Variants in FSIP1 observed in about 807,000 individuals in gnomAD.
The protein encoded by FSIP1 is fibrous sheath-interacting protein 1.
In FSIP1, 65 loss-of-function variants were observed where a neutral mutation model predicts 60.9. The ratio of observed to expected loss-of-function variants is 1.07; its 90% CI spans 0.87 to 1.31. The LOEUF is 1.31. FSIP1 is among the 40% of genes most tolerant of loss of function. FSIP1 has a pLI of 0.00. For missense variants in FSIP1, 675 were observed against 665.5 expected (o/e 1.01, Z -0.16); for synonymous variants, 209 against 221.2 (o/e 0.94, Z 0.49).
At chr15:39,680,703 A>C (rs1894127011) in intron 10 of FSIP1, among the ~76,000 whole-genome samples, 1 of 152,210 alleles carries the variant, frequency 6.6e-6, no homozygotes, top group Non-Finnish European at 1.5e-5. Flanking sequence ...AGGGAAATAA[A>C]TATCTATCTT....
At chr15:39,772,479 G>C (rs1897921267) in intron 2 of FSIP1, among the ~76,000 whole-genome samples, 1 of 151,670 alleles carries the variant, frequency 6.6e-6, no homozygotes, top group Non-Finnish European at 1.5e-5. Context: ...TTTTTTAATA[G>C]AAATGGGATT....
At chr15:39,614,352 C>T (rs1372412434) in intron 11 of FSIP1, among the ~76,000 whole-genome samples, 2 of 151,858 alleles carry the variant, frequency 1.3e-5, no homozygotes, top group Non-Finnish European at 2.9e-5. Flanking sequence ...AAAAAATTAA[C>T]CAAGGAGGTG....
chr15:39,661,451 T>C (rs894393160), intron 10 of FSIP1, among the ~76,000 whole-genome samples: 7 of 152,230 alleles, frequency 4.6e-5, no homozygotes, highest in African/African-American at 1.7e-4. Flanking sequence ...ATCTTATTAC[T>C]TGGATCATTT....
At chr15:39,709,869 C>T (rs2140543830) in intron 10 of FSIP1, among the ~76,000 whole-genome samples, 1 of 152,270 alleles carries the variant, frequency 6.6e-6, no homozygotes, top group Non-Finnish European at 1.5e-5. Flanking sequence ...TAAATACAAA[C>T]GAAGCCACCC....
At chr15:39,645,592 T>A (rs1416091509) in intron 10 of FSIP1, among the ~76,000 whole-genome samples, 6 of 151,476 alleles carry the variant, frequency 4.0e-5, no homozygotes, top group African/African-American at 1.5e-4. Context: ...GAACTCCCAG[T>A]TGGGAAGCAG....
intron 10 of FSIP1, among the ~76,000 whole-genome samples, chr15:39,703,045 C>T (rs375669943): frequency 9.3e-5 from 14 of 150,014 alleles, no homozygotes; most frequent in African/African-American, 3.4e-4. Context: ...TGCAATGGCA[C>T]GATTTCGGCT....
chr15:39,623,028 A>C (rs994175594), intron 10 of FSIP1, among the ~76,000 whole-genome samples: 27 of 151,802 alleles, frequency 1.8e-4, no homozygotes, highest in African/African-American at 5.3e-4. Context: ...AAAAAAAAAA[A>C]CCCAGCCACA....
intron 9 of FSIP1, among the ~76,000 whole-genome samples, chr15:39,723,852 A>G (rs1420635099): frequency 1.3e-5 from 2 of 152,260 alleles, no homozygotes; most frequent in African/African-American, 4.8e-5. Context: ...AGTCCAATCC[A>G]AAAATAATAT....
At chr15:39,689,715 C>T (rs1312988778) in intron 10 of FSIP1, among the ~76,000 whole-genome samples, 1 of 152,194 alleles carries the variant, frequency 6.6e-6, no homozygotes. Flanking sequence ...ATCACAATAT[C>T]ACACATACTT....
intron 10 of FSIP1, among the ~76,000 whole-genome samples, chr15:39,651,843 C>T (rs1892884903): frequency 6.6e-6 from 1 of 152,208 alleles, no homozygotes; most frequent in Admixed American, 6.5e-5. Context: ...GTCTCTTTTG[C>T]CTTTAATAGA....
chr15:39,618,310 G>A, intron 10 of FSIP1, 65 bp from the exon 11 acceptor site: 2 of 1,282,502 alleles, frequency 1.6e-6, no homozygotes, highest in Non-Finnish European at 2.2e-6. Context: ...TTTTTGGTAG[G>A]CATCCAGTAA....
intron 8 of FSIP1, among the ~76,000 whole-genome samples, chr15:39,731,896 A>C (rs574086229): frequency 6.6e-6 from 1 of 152,342 alleles, no homozygotes; most frequent in South Asian, 2.1e-4. Flanking sequence ...CATTCACTGC[A>C]AGTGTGAGTT....
chr15:39,644,841 A>G (rs980508447), intron 10 of FSIP1, among the ~76,000 whole-genome samples: 5 of 152,250 alleles, frequency 3.3e-5, no homozygotes, highest in African/African-American at 1.2e-4. Flanking sequence ...TGAGAAAATA[A>G]AATGATTTAA....
At chr15:39,724,327 C>T (rs1467486850) in intron 9 of FSIP1, among the ~76,000 whole-genome samples, 1 of 151,680 alleles carries the variant, frequency 6.6e-6, no homozygotes, top group African/African-American at 2.4e-5. Context: ...TCTTGGCTCA[C>T]TGCAAGCTCT....
chr15:39,622,415 T>C (rs1036178959), intron 10 of FSIP1, among the ~76,000 whole-genome samples: 1 of 152,160 alleles, frequency 6.6e-6, no homozygotes, highest in Non-Finnish European at 1.5e-5. Context: ...TACACACACA[T>C]TTCATAGTAA....
chr15:39,729,702 C>T (rs570143552), intron 8 of FSIP1, among the ~76,000 whole-genome samples: 2 of 152,254 alleles, frequency 1.3e-5, no homozygotes, highest in African/African-American at 2.4e-5. Context: ...GAATACTATG[C>T]AGCCATAAAA....
At chr15:39,752,229 T>C (rs1336686002) in intron 5 of FSIP1, among the ~76,000 whole-genome samples, 1 of 152,020 alleles carries the variant, frequency 6.6e-6, no homozygotes, top group Non-Finnish European at 1.5e-5. Flanking sequence ...CTAGAATTTT[T>C]ATATATTTAA....
intron 10 of FSIP1, among the ~76,000 whole-genome samples, chr15:39,645,739 C>G (rs1412620705): frequency 1.3e-5 from 2 of 152,144 alleles, no homozygotes; most frequent in Non-Finnish European, 2.9e-5. Flanking sequence ...GGAAGGTTCC[C>G]TGCCCCTGTC....
rs1285723906 is a variant in FSIP1 at position 39,600,244 on chromosome 15, T to C, written c.*636A>G. ...GTCTTTTAAAGTAGCTCATCTTTAT[T>C]TGATGCAATCTAAAAGGCCCAAACT... On this transcript the variant is annotated 3_prime_UTR_variant, in exon 12 of 12. Coordinates refer to ENST00000350221, the MANE Select transcript of FSIP1 (RefSeq NM_152597.5). 3 of 152,250 alleles carry C rather than the reference T, an allele frequency of 2.0e-5. No homozygotes were observed. Among genetic ancestry groups the C allele is most frequent in the African/African-American group, 7.2e-5 (3 of 41,458 alleles). 9.4% of individuals were successfully genotyped at this position (152,250 alleles called of 1,614,324 possible). A position where few individuals can be genotyped will look rare whatever the true frequency, so the allele number is the denominator to read the frequency against.
Sources: gnomAD v4.1 joint callset for allele counts (sites outside exome capture counted in the v4.1 genomes callset) on GRCh38, gnomAD v4.1.1 for gene constraint, MANE v1.5 for transcripts, NCBI Gene and HGNC (gene_info 2026-07-23, HGNC 2026-07-21) for gene names.